AP3B2: variants seen among roughly 807,000 people sequenced by gnomAD.
AP3B2 encodes adaptor related protein complex 3 subunit beta 2.
AP3B2 carries 50 observed loss-of-function variants against 126.9 expected under a neutral mutation model. The ratio of observed to expected loss-of-function variants is 0.39; its 90% CI spans 0.31 to 0.50. AP3B2 has a LOEUF of 0.50. Ranked by LOEUF, AP3B2 falls within the 20% of genes least tolerant of loss-of-function variation. The pLI, the probability that AP3B2 is intolerant of heterozygous loss-of-function variation, is 0.79. For missense variants in AP3B2, 1,177 were observed against 1,426.4 expected (o/e 0.83, Z 2.82); for synonymous variants, 541 against 565.0 (o/e 0.96, Z 0.60).
rs529642370 is a variant in AP3B2 at position 82,662,894 on chromosome 15, C to A, written c.2633G>T (p.Arg878Leu). The A allele has an allele frequency of 6.2e-7, 1 of 1,613,250 alleles. No homozygotes were observed. Reference protein sequence around the residue: ...SLLSPVSGVGRQELLHRVAGE... With the variant: ...SLLSPVSGVGLQELLHRVAGE... ...AGCTACCCGGTGCAGCAGCTCCTGC[C>A]GCCCAACACCCGATACTGGACTCAG... is the stretch of plus-strand genomic sequence containing the variant. Residue 878 changes from arginine (R) to leucine (L), a missense_variant, in exon 23 of 27, where the codon CGG becomes CTG. Arg to Leu is a moderately radical substitution (Grantham distance 102). Transcript: ENST00000535359.
At chr15:82,677,561 G>A in intron 12 of AP3B2, 110 bp downstream of exon 12, 3 of 1,427,932 alleles carry the variant, frequency 2.1e-6, no homozygotes, top group Non-Finnish European at 2.8e-6. Context: ...CAGACCAATG[G>A]ATACACATTG....
chr15:82,663,713 G>A, intron 20 of AP3B2, 88 bp downstream of exon 20: 1 of 1,603,078 alleles, frequency 6.2e-7, no homozygotes, highest in Non-Finnish European at 8.5e-7. Context: ...GTTCTGGATG[G>A]TAGGGAGATA....
rs2048011704 is a variant in AP3B2, at chr15:82,664,274, G to A, written c.2261+93C>T. ...CCACCCAGCTCACGAGGGGCTCAGG[G>A]GCTCTTAGGAGACTGGCTAAAGCTC... On this transcript the variant is annotated intron_variant, in intron 19 of 26. Transcript: ENST00000535359. The surrounding 1 kb of genome is among the most constrained non-coding windows in gnomAD (Gnocchi z 4.5). 3 of 1,589,584 alleles carry A rather than the reference G, an allele frequency of 1.9e-6. No individual in the cohort carries two copies. Among genetic ancestry groups the A allele is most frequent in the South Asian group, 2.2e-5 (2 of 89,768 alleles).
intron 1 of AP3B2, chr15:82,692,338 C>T (rs944791517): frequency 3.6e-6 from 2 of 555,528 alleles, no homozygotes; most frequent in Admixed American, 3.8e-5. Context: ...CGCAGATGCG[C>T]TCATCCGCCC....
intron 1 of AP3B2, among the ~76,000 whole-genome samples, chr15:82,698,141 G>A (rs1017754443): frequency 7.3e-5 from 11 of 151,508 alleles, no homozygotes; most frequent in African/African-American, 2.4e-4. Flanking sequence ...TACACCTCAC[G>A]GACAGCTCAT....
At chr15:82,703,144 C>T (rs868575330) in intron 1 of AP3B2, among the ~76,000 whole-genome samples, 4 of 152,086 alleles carry the variant, frequency 2.6e-5, no homozygotes, top group African/African-American at 4.8e-5. Flanking sequence ...TTAATCACTG[C>T]GGGGACGCCT....
At chr15:82,676,360 T>C in intron 14 of AP3B2, 101 bp downstream of exon 14, 1 of 1,252,382 alleles carries the variant, frequency 8.0e-7, no homozygotes, top group Non-Finnish European at 1.1e-6. Context: ...TTTTCCAAAA[T>C]AGGAGCTAGA....
chr15:82,686,091 TGAAA>T (rs1255088086), intron 4 of AP3B2: 2 of 152,340 alleles, frequency 1.3e-5, no homozygotes, highest in Non-Finnish European at 2.9e-5. Flanking sequence ...ATCAGTATCT[TGAAA>T]GAAGACACAA....
In AP3B2 at chr15:82,664,802, G is replaced by C; in HGVS notation, c.2137+33C>G. 6.7e-7 allele frequency: 1 copy of C among 1,492,324 alleles called. No individual in the cohort carries two copies. The highest frequency in any genetic ancestry group is 9.2e-7 in the Non-Finnish European group (1 of 1,088,780). 92.4% of individuals were successfully genotyped at this position (1,492,324 alleles called of 1,614,324 possible). A position where few individuals can be genotyped will look rare whatever the true frequency, so the allele number is the denominator to read the frequency against. Reference sequence around the variant, plus strand: ...TCAGTCACACAGATGCATGGGCAGAGCACAGAGGACCCCAGCTCTGCCATC... The same window carrying C: ...TCAGTCACACAGATGCATGGGCAGACCACAGAGGACCCCAGCTCTGCCATC... On this transcript the variant is annotated intron_variant, in intron 18 of 26. Transcript: ENST00000535359. The surrounding 1 kb of genome is among the most constrained non-coding windows in gnomAD (Gnocchi z 4.5).
At position 82,692,221 on chromosome 15, in the gene AP3B2, C is replaced by T. The variant is rs1175757857; in HGVS notation, c.114-2768G>A. ...CGGGGGTCCTCAAAGCGCACCAAGG[C>T]GAAGGGCACAAGGCAGTGCCCATTC... On this transcript the variant is annotated intron_variant, in intron 1 of 26. Transcript: ENST00000535359. 5.9e-6 allele frequency: 7 copies of T among 1,194,266 alleles called. No individual in the cohort carries two copies. In the South Asian group the frequency reaches 6.7e-5, roughly 11 times the overall value. 74.0% of individuals were successfully genotyped at this position (1,194,266 alleles called of 1,614,324 possible). A position where few individuals can be genotyped will look rare whatever the true frequency, so the allele number is the denominator to read the frequency against.
At position 82,680,763 on chromosome 15, in the gene AP3B2, G is replaced by A. The variant is rs901199304; in HGVS notation, c.772-8C>T. On this transcript the variant is annotated splice_region_variant and splice_polypyrimidine_tract_variant and intron_variant, in intron 7 of 26. Transcript: ENST00000535359. The surrounding 1 kb of genome is among the most constrained non-coding windows in gnomAD (Gnocchi z 6.1). ...CTCCTCTAGTAGGGATTCCTGGACG[G>A]GGAGACCGACGGGTCTGTGGGCGCC... 2.5e-6 allele frequency: 4 copies of A among 1,593,612 alleles called. No individual in the cohort carries two copies. The highest frequency in any genetic ancestry group is 1.3e-5 in the African/African-American group (1 of 74,494).
intron 1 of AP3B2, among the ~76,000 whole-genome samples, chr15:82,709,366 G>A (rs953720586): frequency 1.3e-5 from 2 of 151,986 alleles, no homozygotes; most frequent in African/African-American, 4.8e-5. Context: ...TCCCCCGCCA[G>A]CCCCTATCTG....
Position 82,680,197 on chromosome 15 carries a change from G to A in AP3B2, c.1088C>T (p.Ala363Val), listed in dbSNP as rs1319472679. ...EVQYVVLQNV[A>V]TMSIKRRGMF... ...CACCCGGCGCTTGATGGACATGGTG[G>A]CCACGTTCTGGAGCACAACGTACTG... Residue 363 changes from alanine (A) to valine (V), a missense_variant, in exon 9 of 27, where the codon GCC (alanine) becomes GTC (valine). Around this residue, in one of 5 missense-constraint regions of AP3B2, gnomAD observed 308 missense variants for 452.4 expected, o/e 0.68. Coordinates refer to ENST00000535359, the MANE Select transcript of AP3B2 (RefSeq NM_001278512.2). This position sits in a 1 kb window ranked among gnomAD's most constrained non-coding sequence, Gnocchi z 6.1. 3 of 1,613,466 alleles carry A rather than the reference G, an allele frequency of 1.9e-6. No individual in the cohort carries two copies. The African/African-American group carries it at 4.0e-5, about 22-fold the overall frequency.
In AP3B2 at chr15:82,677,677, G is replaced by A. The variant is rs1397996908; in HGVS notation, c.1372C>T (p.Arg458Cys). 6 of 1,554,256 alleles carry A rather than the reference G, an allele frequency of 3.9e-6. No individual in the cohort carries two copies. The highest frequency in any genetic ancestry group is 2.3e-5 in the East Asian group (1 of 42,586). The change falls in exon 12 of 27, where the codon CGT (arginine) becomes TGT (cysteine). Residue 458 changes from arginine (R) to cysteine (C), a missense_variant. Coordinates refer to ENST00000535359, the MANE Select transcript of AP3B2 (RefSeq NM_001278512.2). ...LNGLVQLLSN[R>C]DELVVAESVV... ...CACTCAGGGAAACACTGACCATCACGGTTGGACAGCAGCTGCACCAGGCCA... is the reference window on the plus strand; with the variant it reads ...CACTCAGGGAAACACTGACCATCACAGTTGGACAGCAGCTGCACCAGGCCA...
chr15:82,696,962 C>G (rs2048638233), intron 1 of AP3B2, among the ~76,000 whole-genome samples: 1 of 152,168 alleles, frequency 6.6e-6, no homozygotes, highest in Non-Finnish European at 1.5e-5. Context: ...ACACTAATTT[C>G]CCAGATGACA....
At chr15:82,667,011 G>T in intron 14 of AP3B2, 78 bp from the exon 15 acceptor site, 1 of 1,438,442 alleles carries the variant, frequency 7.0e-7, no homozygotes, top group Non-Finnish European at 9.5e-7. Context: ...TCTTTAAGCC[G>T]ACACTTTCAG....
At chr15:82,691,701 G>C in intron 1 of AP3B2, 1 of 1,476,144 alleles carries the variant, frequency 6.8e-7, no homozygotes, top group Non-Finnish European at 9.0e-7. Flanking sequence ...AAAAAATAAA[G>C]AAAAAATTCC....
Position 82,666,341 on chromosome 15 carries a change from G to A in AP3B2, c.1852+406C>T, listed in dbSNP as rs540464291. ...GTAGTGACTAAGCTCACAGAATGCA[G>A]GCAACTGCTTTCTCAGGACCTTTAT... On this transcript the variant is annotated intron_variant, in intron 15 of 26. Transcript: ENST00000535359. Among the ~76,000 whole-genome samples, 11 of 152,364 alleles carry A rather than the reference G, an allele frequency of 7.2e-5. No homozygotes were observed. The South Asian group carries it at 2.1e-3, about 29-fold the overall frequency.
intron 1 of AP3B2, among the ~76,000 whole-genome samples, chr15:82,707,442 A>C (rs1415919069): frequency 2.0e-5 from 3 of 152,088 alleles, no homozygotes; most frequent in African/African-American, 7.2e-5. Flanking sequence ...GTGCCCCAGA[A>C]AACTTGTCAT....
Sources: gnomAD v4.1 joint callset for allele counts (sites outside exome capture counted in the v4.1 genomes callset) on GRCh38, gnomAD v4.1.1 for gene constraint, gnomAD v4.1.1 regional missense constraint, Gnocchi (gnomAD v3.1) non-coding constraint, MANE v1.5 for transcripts, NCBI Gene and HGNC (gene_info 2026-07-23, HGNC 2026-07-21) for gene names.